CSMD3: variants seen among roughly 807,000 people sequenced by gnomAD.
CSMD3 encodes CUB and sushi domain-containing protein 3.
Under a neutral mutation model 435.2 loss-of-function variants are expected in CSMD3, and 177 were observed. The observed-to-expected ratio is 0.41, with a 90% confidence interval of 0.36 to 0.46. The LOEUF is 0.46. CSMD3 is among the 20% of genes least tolerant of loss of function. CSMD3 has a pLI of 0.34. For missense variants in CSMD3, 4,265 were observed against 4,504.6 expected, an observed-to-expected ratio of 0.95 and a Z score of 1.52; for synonymous variants, 1,656 against 1,520.5, an observed-to-expected ratio of 1.09 and a Z score of -2.07.
chr8:112,281,444 C>T (rs1374933659), intron 58 of CSMD3, 94 bp from the exon 59 acceptor site: 1 of 991,380 alleles, frequency 1.0e-6, no homozygotes, highest in Non-Finnish European at 1.6e-6. Context: ...TCAAATTATT[C>T]AAAGAAGCAA....
At chr8:113,018,713 T>A (rs188456521) in intron 6 of CSMD3, 84 of 231,542 alleles carry the variant, frequency 3.6e-4, no homozygotes, top group African/African-American at 1.9e-3. Flanking sequence ...TGAGTTTCGA[T>A]TGAGAAAGAG....
chr8:113,279,587 T>A (rs553281983), intron 2 of CSMD3, among the ~76,000 whole-genome samples: 240 of 151,892 alleles, frequency 1.6e-3, no homozygotes, highest in African/African-American at 5.7e-3. Flanking sequence ...TGTATATATG[T>A]TTAAATAATC....
In CSMD3 at chr8:112,524,337, T is replaced by TA. The variant is rs971675304; in HGVS notation, c.4565-7113dup. ...TATGGGGATGACCAGTATTAGTAAG[T>TA]AAAAAAAAAAAAGAAATAAAAATTA... On this transcript the variant is annotated intron_variant, in intron 27 of 70. Coordinates refer to ENST00000297405, the MANE Select transcript of CSMD3 (RefSeq NM_198123.2). Among the ~76,000 whole-genome samples the TA allele has an allele frequency of 4.1e-3, 581 of 141,686 alleles. 1 individual carries two copies. Among genetic ancestry groups the TA allele is most frequent in the African/African-American group, 0.013 (487 of 38,896 alleles). The allele number at this position is 141,686 out of a possible 152,430, so 93.0% of individuals were successfully genotyped here. A position where few individuals can be genotyped will look rare whatever the true frequency, so the allele number is the denominator to read the frequency against.
intron 32 of CSMD3, among the ~76,000 whole-genome samples, chr8:112,464,002 C>T (rs1214172642): frequency 1.3e-5 from 2 of 151,902 alleles, no homozygotes; most frequent in African/African-American, 4.8e-5. Flanking sequence ...TTTGGGAGGC[C>T]GAGGCGGGCA....
chr8:113,114,374 G>T (rs151197230), intron 4 of CSMD3, among the ~76,000 whole-genome samples: 2 of 152,092 alleles, frequency 1.3e-5, no homozygotes, highest in Admixed American at 1.3e-4. Flanking sequence ...ATTTGAAAAG[G>T]GAAGAGGGAA....
intron 6 of CSMD3, among the ~76,000 whole-genome samples, chr8:113,015,254 C>A (rs1440444741): frequency 6.6e-6 from 1 of 152,034 alleles, no homozygotes; most frequent in Non-Finnish European, 1.5e-5. Context: ...ATATGCTTTT[C>A]TTTCAATAGA....
intron 22 of CSMD3, among the ~76,000 whole-genome samples, chr8:112,619,335 C>T (rs1451192243): frequency 6.6e-6 from 1 of 151,818 alleles, no homozygotes; most frequent in Non-Finnish European, 1.5e-5. Flanking sequence ...GTAGCTGCCT[C>T]ATACCTTGAC....
intron 47 of CSMD3, among the ~76,000 whole-genome samples, chr8:112,317,543 T>A (rs530895969): frequency 6.6e-6 from 1 of 152,044 alleles, no homozygotes; most frequent in African/African-American, 2.4e-5. Flanking sequence ...ACCGACATAA[T>A]CCTAAAGGTC....
intron 38 of CSMD3, among the ~76,000 whole-genome samples, chr8:112,371,221 G>A (rs530430212): frequency 1.3e-5 from 2 of 152,266 alleles, no homozygotes; most frequent in African/African-American, 2.4e-5. Flanking sequence ...CTGCTCCTCT[G>A]AAGCAAGACT....
chr8:112,660,277 A>C (rs1219206945), intron 17 of CSMD3, among the ~76,000 whole-genome samples: 1 of 152,312 alleles, frequency 6.6e-6, no homozygotes, highest in African/African-American at 2.4e-5. Context: ...CCAAGACATT[A>C]TAAGGCCACT....
At chr8:112,811,026 A>G (rs1052145679) in intron 12 of CSMD3, among the ~76,000 whole-genome samples, 1 of 152,016 alleles carries the variant, frequency 6.6e-6, no homozygotes, top group African/African-American at 2.4e-5. Context: ...CTATTGGTTC[A>G]CTTAAATATT....
intron 6 of CSMD3, among the ~76,000 whole-genome samples, chr8:113,008,736 T>C (rs1003684692): frequency 6.6e-6 from 1 of 151,598 alleles, no homozygotes; most frequent in African/African-American, 2.4e-5. Flanking sequence ...TTTCTAGTAC[T>C]ATATATTGAT....
intron 25 of CSMD3, among the ~76,000 whole-genome samples, chr8:112,555,461 T>C (rs953984284): frequency 5.3e-5 from 8 of 151,986 alleles, no homozygotes; most frequent in Non-Finnish European, 1.0e-4. Flanking sequence ...CAGTGGTACA[T>C]TTTTCTCATA....
intron 22 of CSMD3, among the ~76,000 whole-genome samples, chr8:112,622,796 CTTG>C (rs764135781): frequency 2.0e-5 from 3 of 152,092 alleles, no homozygotes; most frequent in Non-Finnish European, 4.4e-5. Flanking sequence ...GCATCACAGA[CTTG>C]TTGAGAATAC....
intron 32 of CSMD3, among the ~76,000 whole-genome samples, chr8:112,462,134 C>T (rs934314520): frequency 1.3e-5 from 2 of 152,164 alleles, no homozygotes; most frequent in Non-Finnish European, 1.5e-5. Context: ...CCCACTATTT[C>T]GCAGTAACCG....
At chr8:112,768,250 A>T (rs2078029711) in intron 13 of CSMD3, among the ~76,000 whole-genome samples, 1 of 151,860 alleles carries the variant, frequency 6.6e-6, no homozygotes, top group Non-Finnish European at 1.5e-5. Context: ...TAAATATGTC[A>T]GTCAGGATCC....
intron 3 of CSMD3, among the ~76,000 whole-genome samples, chr8:113,178,551 A>G (rs2092379721): frequency 6.6e-6 from 1 of 151,954 alleles, no homozygotes; most frequent in Non-Finnish European, 1.5e-5. Context: ...GGCAGAAACG[A>G]AACATGTAAG....
rs575984573 is a variant in CSMD3, at chr8:112,258,987, C to A, written c.9863-3560G>T. Reference sequence around the variant, plus strand: ...CCGGGAGGCGGAGCTTGCAGTGAGCCGAGATCGTGCCACTGCACTCCAGCC... The same window carrying A: ...CCGGGAGGCGGAGCTTGCAGTGAGCAGAGATCGTGCCACTGCACTCCAGCC... On this transcript the variant is annotated intron_variant, in intron 61 of 70. Coordinates refer to ENST00000297405, the MANE Select transcript of CSMD3 (RefSeq NM_198123.2). Among the ~76,000 whole-genome samples, 46 of 151,862 alleles carry A rather than the reference C, an allele frequency of 3.0e-4. 1 individual carries two copies. In the East Asian group the frequency reaches 4.3e-3, roughly 14 times the overall value.
intron 22 of CSMD3, among the ~76,000 whole-genome samples, chr8:112,599,925 C>T (rs994503502): frequency 2.1e-4 from 31 of 146,436 alleles, no homozygotes; most frequent in Non-Finnish European, 3.6e-4. Context: ...TGCTAGATGA[C>T]GAGTTAGTGG....
Sources: gnomAD v4.1 joint callset for allele counts (sites outside exome capture counted in the v4.1 genomes callset) on GRCh38, gnomAD v4.1.1 for gene constraint, MANE v1.5 for transcripts, NCBI Gene and HGNC (gene_info 2026-07-23, HGNC 2026-07-21) for gene names.